SS18L1: variants seen among roughly 807,000 people sequenced by gnomAD.
SS18L1 encodes the protein SS18L1 subunit of BAF chromatin remodeling complex.
A neutral mutation model predicts 70.3 loss-of-function variants in SS18L1; 32 were observed. The observed-to-expected ratio is 0.46, with a 90% CI of 0.34 to 0.61. The LOEUF (loss-of-function observed/expected upper bound fraction) is 0.61. SS18L1 is among the 20% of genes least tolerant of loss of function. SS18L1 has a pLI of 0.01. For synonymous variants in SS18L1, 237 were observed against 229.7 expected (o/e 1.03, Z -0.29); for missense variants, 430 against 542.1 (o/e 0.79, Z 2.05).
At position 62,179,754 on chromosome 20, in the gene SS18L1, TTC is replaced by T. The variant is rs1356154787; in HGVS notation, c.*548_*549del. 1 of 232,068 alleles carries T rather than the reference TTC, an allele frequency of 4.3e-6. No homozygotes were observed. Among genetic ancestry groups the T allele is most frequent in the Non-Finnish European group, 8.5e-6 (1 of 117,504 alleles). The allele number at this position is 232,068 out of a possible 1,614,324, so 14.4% of individuals were successfully genotyped here. On this transcript the variant is annotated 3_prime_UTR_variant, in exon 11 of 11. Coordinates refer to ENST00000331758, the MANE Select transcript of SS18L1 (RefSeq NM_198935.3). Reference sequence around the variant, plus strand: ...GGCATCTTCTGTGCGTTGGGTCAGTTTCTGTTACGTAACGAAAAGGATAAACA... The same window carrying T: ...GGCATCTTCTGTGCGTTGGGTCAGTTTGTTACGTAACGAAAAGGATAAACA...
chr20:62,156,367 T>G (rs1237877739), intron 1 of SS18L1, among the ~76,000 whole-genome samples: 1 of 152,180 alleles, frequency 6.6e-6, no homozygotes, highest in Non-Finnish European at 1.5e-5. Flanking sequence ...CTCCCTCACC[T>G]GCCCACTGGT....
At chr20:62,154,850 C>T (rs2057194418) in intron 1 of SS18L1, among the ~76,000 whole-genome samples, 1 of 152,178 alleles carries the variant, frequency 6.6e-6, no homozygotes, top group Non-Finnish European at 1.5e-5. Flanking sequence ...GAGGGCCGCG[C>T]TGGCCCACTC....
intron 1 of SS18L1, among the ~76,000 whole-genome samples, chr20:62,146,386 T>G (rs532869927): frequency 6.6e-6 from 1 of 152,270 alleles, no homozygotes; most frequent in South Asian, 2.1e-4. Flanking sequence ...GGAAGCGTTT[T>G]GAGATAAGCA....
intron 6 of SS18L1, 146 bp from the exon 7 acceptor site, chr20:62,163,999 A>G (rs1049337752): frequency 4.4e-6 from 3 of 684,826 alleles, no homozygotes; most frequent in South Asian, 2.0e-5. Context: ...AATACAAAAC[A>G]TAAGTTGGAT....
chr20:62,161,635 C>T lies in SS18L1; in HGVS notation c.376+55C>T, dbSNP rs2057332343. On this transcript the variant is annotated intron_variant, in intron 4 of 10. Transcript: ENST00000331758. This position sits in a 1 kb window ranked among gnomAD's most constrained non-coding sequence, Gnocchi z 4.4. ...TGGCTACGAGGCCACCAAGGCAGCC[C>T]TTGGGCAGCCGGCTGCCATGGTGGG... The T allele has an allele frequency of 1.3e-6, 2 of 1,566,738 alleles. No individual in the cohort carries two copies. Among genetic ancestry groups the T allele is most frequent in the African/African-American group, 1.4e-5 (1 of 73,936 alleles).
At chr20:62,175,412 G>A in intron 10 of SS18L1, 3 of 985,388 alleles carry the variant, frequency 3.0e-6, no homozygotes, top group South Asian at 4.7e-5. Context: ...AGCACTGCAG[G>A]AGCGAGGGCC....
At chr20:62,163,375 C>A in intron 5 of SS18L1, 83 bp from the exon 6 acceptor site, 1 of 1,586,544 alleles carries the variant, frequency 6.3e-7, no homozygotes, top group Non-Finnish European at 8.5e-7. Context: ...GAGGAACCCG[C>A]CCGGGCGCAG....
chr20:62,177,278 C>CAAA (rs79145053), intron 10 of SS18L1, among the ~76,000 whole-genome samples: 1 of 130,612 alleles, frequency 7.7e-6, no homozygotes, highest in Non-Finnish European at 1.7e-5. Flanking sequence ...AACTCTGTCT[C>CAAA]AAAAAAAAAA....
rs1212766096 is a variant in SS18L1 at position 62,180,427 on chromosome 20, A to G, written c.*1219A>G. The G allele has an allele frequency of 2.2e-5, 4 of 184,280 alleles. No individual in the cohort carries two copies. 11.4% of individuals were successfully genotyped at this position (184,280 alleles called of 1,614,324 possible). On this transcript the variant is annotated 3_prime_UTR_variant, in exon 11 of 11. Coordinates refer to ENST00000331758, the MANE Select transcript of SS18L1 (RefSeq NM_198935.3). Reference sequence around the variant, plus strand: ...TAACAAGTAGCATGGACATTTGATCAACCTTTAGTTGGAATAATAATATTC... The same window carrying G: ...TAACAAGTAGCATGGACATTTGATCGACCTTTAGTTGGAATAATAATATTC...
At position 62,174,870 on chromosome 20, in the gene SS18L1, G is replaced by C; in HGVS notation, c.1164+226G>C. ...TTTTCATACCCTAAGCTCACCGTTA[G>C]ATCTGCACGCCTGGTTCTCACATTC... On this transcript the variant is annotated intron_variant, in intron 10 of 10. Transcript: ENST00000331758. This position sits in a 1 kb window ranked among gnomAD's most constrained non-coding sequence, Gnocchi z 4.1. The C allele has an allele frequency of 7.0e-7, 1 of 1,424,200 alleles. No homozygotes were observed. Among genetic ancestry groups the C allele is most frequent in the South Asian group, 1.4e-5 (1 of 70,388 alleles). 88.2% of individuals were successfully genotyped at this position (1,424,200 alleles called of 1,614,324 possible).
At position 62,158,089 on chromosome 20, in the gene SS18L1, C is replaced by T. The variant is rs2057255642; in HGVS notation, c.70-583C>T. On this transcript the variant is annotated intron_variant, in intron 1 of 10. Coordinates refer to ENST00000331758, the MANE Select transcript of SS18L1 (RefSeq NM_198935.3). The surrounding 1 kb of genome is among the most constrained non-coding windows in gnomAD (Gnocchi z 4.5). Reference sequence around the variant, plus strand: ...TGCAATTCGAGGCTATCCCCTCCAGCTAGGGGCACCAGGGCCTCTTGTGGG... The same window carrying T: ...TGCAATTCGAGGCTATCCCCTCCAGTTAGGGGCACCAGGGCCTCTTGTGGG... Among the ~76,000 whole-genome samples the T allele has an allele frequency of 6.6e-6, 1 of 152,176 alleles. No individual in the cohort carries two copies. The highest frequency in any genetic ancestry group is 2.4e-5 in the African/African-American group (1 of 41,430).
At chr20:62,157,631 T>C (rs1467454466) in intron 1 of SS18L1, among the ~76,000 whole-genome samples, 1 of 152,156 alleles carries the variant, frequency 6.6e-6, no homozygotes, top group Non-Finnish European at 1.5e-5. Context: ...TTCACCTGAG[T>C]CACTTGAAAC....
At chr20:62,175,305 CAG>C (rs1568767708) in intron 10 of SS18L1, 7 of 985,356 alleles carry the variant, frequency 7.1e-6, no homozygotes, top group Non-Finnish European at 8.4e-6. Context: ...CGGGAGGTGA[CAG>C]GGACAGGTGG....
rs747735102 is a variant in SS18L1, at chr20:62,162,920, A to G, written c.545A>G (p.Gln182Arg). 3 of 1,612,198 alleles carry G rather than the reference A, an allele frequency of 1.9e-6. No homozygotes were observed. Among genetic ancestry groups the G allele is most frequent in the African/African-American group, 1.3e-5 (1 of 74,592 alleles). Residue 182 changes from glutamine to arginine, a missense_variant, in exon 5 of 11, where the codon CAG becomes CGG. Gln to Arg is a conservative substitution (Grantham distance 43, BLOSUM62 1). Coordinates refer to ENST00000331758, the MANE Select transcript of SS18L1 (RefSeq NM_198935.3). The stretch of plus-strand genomic sequence containing the variant: ...GTGTCTCGGACCAACATCAACATGC[A>G]GTCCAACCCAGGTACCTACTCTGCC... ...NYVSRTNINMQSNPVSMMQQQ... is the reference protein window; with the variant it reads ...NYVSRTNINMRSNPVSMMQQQ...
Position 62,158,900 on chromosome 20 carries a change from T to C in SS18L1, c.146+152T>C. 4 of 1,556,416 alleles carry C rather than the reference T, an allele frequency of 2.6e-6. No homozygotes were observed. Among genetic ancestry groups the C allele is most frequent in the Non-Finnish European group, 3.5e-6 (4 of 1,152,024 alleles). ...GGCCAGATATGTCCCAGGAGTCCCC[T>C]GCACAGAGGCCAGATATGTCCCAGG... On this transcript the variant is annotated intron_variant, in intron 2 of 10. Coordinates refer to ENST00000331758, the MANE Select transcript of SS18L1 (RefSeq NM_198935.3). This position sits in a 1 kb window ranked among gnomAD's most constrained non-coding sequence, Gnocchi z 4.5.
Position 62,179,568 on chromosome 20 carries a change from T to A in SS18L1, c.*360T>A, listed in dbSNP as rs150636493. The stretch of plus-strand genomic sequence containing the variant: ...AGGACAGATCTCGAGGACACCACAG[T>A]CCACCTGTTCCCGTCAACAGACGTT... On this transcript the variant is annotated 3_prime_UTR_variant, in exon 11 of 11. Transcript: ENST00000331758. 1 of 343,620 alleles carries A rather than the reference T, an allele frequency of 2.9e-6. No homozygotes were observed. The highest frequency in any genetic ancestry group is 4.4e-5 in the Admixed American group (1 of 22,570). The allele number at this position is 343,620 out of a possible 1,614,324, so 21.3% of individuals were successfully genotyped here. A position where few individuals can be genotyped will look rare whatever the true frequency, so the allele number is the denominator to read the frequency against.
In SS18L1 at chr20:62,159,823, G is replaced by T; in HGVS notation, c.147-54G>T. ...CACTTTACTTCTGCCTTGGATCCACGTGGGGACTCTGTGGTCCCGTCGTCC... is the reference window on the plus strand; with the variant it reads ...CACTTTACTTCTGCCTTGGATCCACTTGGGGACTCTGTGGTCCCGTCGTCC... On this transcript the variant is annotated intron_variant, in intron 2 of 10. Coordinates refer to ENST00000331758, the MANE Select transcript of SS18L1 (RefSeq NM_198935.3). This position sits in a 1 kb window ranked among gnomAD's most constrained non-coding sequence, Gnocchi z 4.4. 2 of 1,564,440 alleles carry T rather than the reference G, an allele frequency of 1.3e-6. No homozygotes were observed. The highest frequency in any genetic ancestry group is 8.7e-7 in the Non-Finnish European group (1 of 1,145,642).
intron 8 of SS18L1, among the ~76,000 whole-genome samples, chr20:62,171,919 T>TTAG (rs1171279353): frequency 2.6e-5 from 4 of 152,050 alleles, no homozygotes; most frequent in Non-Finnish European, 5.9e-5. Flanking sequence ...TCCTAGCACT[T>TTAG]TAGGAGGCCA....
intron 1 of SS18L1, among the ~76,000 whole-genome samples, chr20:62,155,989 G>A (rs2057214787): frequency 7.4e-6 from 1 of 134,954 alleles, no homozygotes; most frequent in African/African-American, 2.7e-5. Context: ...GTGGGTATGT[G>A]TCTAACATAC....
Sources: gnomAD v4.1 joint callset for allele counts (sites outside exome capture counted in the v4.1 genomes callset) on GRCh38, gnomAD v4.1.1 for gene constraint, Gnocchi (gnomAD v3.1) non-coding constraint, MANE v1.5 for transcripts, NCBI Gene and HGNC (gene_info 2026-07-23, HGNC 2026-07-21) for gene names.